ZNF75A: variants seen among roughly 807,000 people sequenced by gnomAD.
The protein encoded by ZNF75A is zinc finger protein 75A.
ZNF75A carries 36 observed loss-of-function variants against 46.3 expected under a neutral mutation model. That is an observed-to-expected ratio of 0.78 (90% confidence interval 0.60 to 1.03). The LOEUF (loss-of-function observed/expected upper bound fraction) is 1.03, where lower values mean the gene tolerates loss of function less well. Among genes scored for constraint, ZNF75A ranks in the 50% least tolerant of loss-of-function variants. The probability of loss-of-function intolerance (pLI) is 0.00; values close to 1 mark genes in which losing one functional copy is unlikely to be tolerated. For synonymous variants in ZNF75A, 234 were observed against 189.9 expected, an observed-to-expected ratio of 1.23 and a Z score of -1.91; for missense variants, 595 against 551.3, an observed-to-expected ratio of 1.08 and a Z score of -0.79.
At chr16:3,313,717 A>G (rs1960985876) in intron 5 of ZNF75A, among the ~76,000 whole-genome samples, 1 of 152,188 alleles carries the variant, frequency 6.6e-6, no homozygotes, top group African/African-American at 2.4e-5. Flanking sequence ...CAGAAGCTAG[A>G]TTGATCTTTT....
intron 2 of ZNF75A, among the ~76,000 whole-genome samples, chr16:3,310,236 A>C (rs1261068562): frequency 6.6e-6 from 1 of 152,078 alleles, no homozygotes; most frequent in African/African-American, 2.4e-5. Context: ...TCTACTAAAA[A>C]TACATAAACT....
chr16:3,317,130 T>C, intron 6 of ZNF75A, 60 bp from the exon 7 acceptor site: 1 of 1,551,782 alleles, frequency 6.4e-7, no homozygotes, highest in Non-Finnish European at 8.7e-7. Flanking sequence ...AATTTTTCTT[T>C]TTATTCCTGT....
chr16:3,320,544 A>G (rs1343713600), downstream of ZNF75A, among the ~76,000 whole-genome samples: 1 of 152,238 alleles, frequency 6.6e-6, no homozygotes, highest in African/African-American at 2.4e-5. Context: ...GATAGGGAAG[A>G]AAGACATTGC....
rs1358047086 is a variant in ZNF75A at position 3,305,637 on chromosome 16, G to A, written c.-123G>A. 3 of 152,250 alleles carry A rather than the reference G, an allele frequency of 2.0e-5. No individual in the cohort carries two copies. The highest frequency in any genetic ancestry group is 4.4e-5 in the Non-Finnish European group (3 of 68,042). 9.4% of individuals were successfully genotyped at this position (152,250 alleles called of 1,614,324 possible). ...GAGCGGCCTCCACGGAAGCCAAGCTGGCCGAGGTAACCGAGAAGCGGCTTC... is the reference window on the plus strand; with the variant it reads ...GAGCGGCCTCCACGGAAGCCAAGCTAGCCGAGGTAACCGAGAAGCGGCTTC... On this transcript the variant is annotated 5_prime_UTR_variant, in exon 1 of 7. Transcript: ENST00000669516.
At chr16:3,308,901 G>A (rs1960490295) in intron 2 of ZNF75A, 65 bp downstream of exon 2, 4 of 956,020 alleles carry the variant, frequency 4.2e-6, no homozygotes, top group Admixed American at 6.2e-5. Context: ...TAGAGATGGT[G>A]GCAGTTAGTT....
intron 4 of ZNF75A, 140 bp from the exon 5 acceptor site, chr16:3,312,909 T>C: frequency 7.7e-7 from 1 of 1,290,750 alleles, no homozygotes; most frequent in Non-Finnish European, 1.0e-6. Flanking sequence ...GCTGACGCCT[T>C]TTCTCCTTTT....
chr16:3,306,054 T>G (rs1024845638), intron 1 of ZNF75A: 1 of 152,172 alleles, frequency 6.6e-6, no homozygotes, highest in Non-Finnish European at 1.5e-5. Context: ...TGCAAAAACA[T>G]AGGAAGTGTC....
At chr16:3,323,229 T>C, downstream of ZNF75A, 1 of 757,038 alleles carries the variant, frequency 1.3e-6, no homozygotes, top group Non-Finnish European at 2.4e-6. Flanking sequence ...TTCACCCCAA[T>C]AGCCAGATGT....
chr16:3,320,312 G>T (rs371692145), downstream of ZNF75A, among the ~76,000 whole-genome samples: 1 of 152,210 alleles, frequency 6.6e-6, no homozygotes, highest in East Asian at 1.9e-4. Flanking sequence ...CCAAAGTGCC[G>T]GGATTACAGG....
downstream of ZNF75A, chr16:3,323,109 T>TA (rs567589972): frequency 1.4e-4 from 79 of 548,690 alleles, 1 homozygote; most frequent in South Asian, 5.8e-4. Context: ...AGATACTTGA[T>TA]AAAAAAAATC....
intron 1 of ZNF75A, chr16:3,308,055 G>A (rs1181161610): frequency 6.6e-6 from 1 of 152,152 alleles, no homozygotes; most frequent in African/African-American, 2.4e-5. Context: ...TTCAGCCAGT[G>A]GGTGCCAATT....
At chr16:3,320,464 T>G (rs994717240), downstream of ZNF75A, among the ~76,000 whole-genome samples, 9 of 152,204 alleles carry the variant, frequency 5.9e-5, no homozygotes, top group African/African-American at 2.2e-4. Context: ...GAGACCTGGC[T>G]TCCCGTGGAT....
chr16:3,310,626 C>G, intron 2 of ZNF75A: 2 of 976,262 alleles, frequency 2.0e-6, no homozygotes, highest in Non-Finnish European at 2.4e-6. Flanking sequence ...ACCCCCGTCT[C>G]AAAACAAAAC....
At chr16:3,308,927 T>G in intron 2 of ZNF75A, 91 bp downstream of exon 2, 10 of 834,354 alleles carry the variant, frequency 1.2e-5, no homozygotes, top group Non-Finnish European at 1.4e-5. Flanking sequence ...ATTAGATGGA[T>G]TAGGTAGGTC....
Position 3,318,001 on chromosome 16 carries a change from C to T in ZNF75A, c.*132C>T, listed in dbSNP as rs1024799896. 61 of 1,427,060 alleles carry T rather than the reference C, an allele frequency of 4.3e-5. No homozygotes were observed. The highest frequency in any genetic ancestry group is 1.3e-4 in the African/African-American group (9 of 69,632). The allele number at this position is 1,427,060 out of a possible 1,614,324, so 88.4% of individuals were successfully genotyped here. ...GAAAATGGGATAAACATACATTTCA[C>T]AGAAAATAATCAAGACTTGCTCTGC... On this transcript the variant is annotated 3_prime_UTR_variant, in exon 7 of 7. Transcript: ENST00000669516.
At chr16:3,312,112 T>C (rs748240431) in intron 3 of ZNF75A, 164 bp downstream of exon 3, 4 of 171,096 alleles carry the variant, frequency 2.3e-5, no homozygotes, top group Non-Finnish European at 4.7e-5. Context: ...ATGCCAACTG[T>C]GGATGAAAGT....
Position 3,311,004 on chromosome 16 carries a change from C to T in ZNF75A, c.409-749C>T, listed in dbSNP as rs79667981. ...TCTATCCCCATTCTCTGAAAACCTT[C>T]GCTGGCTATAGGGATAATCAGGCTG... On this transcript the variant is annotated intron_variant, in intron 2 of 6. Coordinates refer to ENST00000669516, the MANE Select transcript of ZNF75A (RefSeq NM_001302109.2). The T allele has an allele frequency of 3.3e-5, 31 of 940,680 alleles. No individual in the cohort carries two copies. In the East Asian group the frequency reaches 1.4e-3, roughly 42 times the overall value. The allele number at this position is 940,680 out of a possible 1,614,324, so 58.3% of individuals were successfully genotyped here.
At chr16:3,315,108 CCTT>C in intron 5 of ZNF75A, 1 of 984,944 alleles carries the variant, frequency 1.0e-6, no homozygotes, top group African/African-American at 1.7e-5. Flanking sequence ...TTTCCCCAAA[CCTT>C]CTCCATCATG....
chr16:3,306,092 G>T (rs568671581), intron 1 of ZNF75A: 1 of 152,366 alleles, frequency 6.6e-6, no homozygotes, highest in South Asian at 2.1e-4. Context: ...GGGGTGGGCA[G>T]CAAGGAGCTG....
Sources: gnomAD v4.1 joint callset for allele counts (sites outside exome capture counted in the v4.1 genomes callset) on GRCh38, gnomAD v4.1.1 for gene constraint, MANE v1.5 for transcripts, NCBI Gene and HGNC (gene_info 2026-07-23, HGNC 2026-07-21) for gene names.